IQCF3: variants seen among roughly 807,000 people sequenced by gnomAD.
IQCF3 encodes the protein IQ domain-containing protein F3.
In IQCF3, 7 loss-of-function variants were observed where a neutral mutation model predicts 5.1. That is an observed-to-expected ratio of 1.36 (90% confidence interval 0.78 to 2.56). The LOEUF (loss-of-function observed/expected upper bound fraction) is 2.56, where lower values mean the gene tolerates loss of function less well. IQCF3 is among the 30% of genes most tolerant of loss of function. The pLI is 0.00. For synonymous variants in IQCF3, 82 were observed against 72.8 expected, an observed-to-expected ratio of 1.13 and a Z score of -0.64; for missense variants, 189 against 196.5, an observed-to-expected ratio of 0.96 and a Z score of 0.23.
In IQCF3 at chr3:51,830,348, C is replaced by CAA; in HGVS notation, c.67-54_67-53insAA. On this transcript the variant is annotated intron_variant, in intron 2 of 2. Transcript: ENST00000440739. The surrounding 1 kb of genome is among the most constrained non-coding windows in gnomAD (Gnocchi z 4.1). ...GGAGAGGGCTGATTCTTTAGAGAACCACCTGTGCTTGATGGTGATAAATTC... is the reference window on the plus strand; with the variant it reads ...GGAGAGGGCTGATTCTTTAGAGAACCAAACCTGTGCTTGATGGTGATAAATTC... The CAA allele has an allele frequency of 6.6e-7, 1 of 1,510,874 alleles. No individual in the cohort carries two copies. The highest frequency in any genetic ancestry group is 8.8e-7 in the Non-Finnish European group (1 of 1,131,050). 93.6% of individuals were successfully genotyped at this position (1,510,874 alleles called of 1,614,324 possible).
intron 2 of IQCF3, 25 bp downstream of exon 2, chr3:51,829,737 A>C: frequency 6.2e-7 from 1 of 1,608,210 alleles, no homozygotes. Flanking sequence ...GGAGGGTGAG[A>C]GAATTGCAGA....
chr3:51,828,355 C>G (rs1698317591), upstream of IQCF3: 1 of 152,094 alleles, frequency 6.6e-6, no homozygotes, highest in South Asian at 2.1e-4. Flanking sequence ...CCTTCAGTAC[C>G]TAGTTTATTG....
upstream of IQCF3, chr3:51,828,846 A>G (rs1176067572): frequency 6.6e-6 from 1 of 152,272 alleles, no homozygotes; most frequent in Non-Finnish European, 1.5e-5. Flanking sequence ...AGAGCTCATT[A>G]TTAGTCTGTT....
chr3:51,829,323 C>T (rs1193925431), upstream of IQCF3: 5 of 764,044 alleles, frequency 6.5e-6, no homozygotes, highest in African/African-American at 3.5e-5. Context: ...TCTCTTTATC[C>T]ATCAACTTTG....
At chr3:51,829,056 C>T (rs1279128215), upstream of IQCF3, among the ~76,000 whole-genome samples, 1 of 152,034 alleles carries the variant, frequency 6.6e-6, no homozygotes, top group African/African-American at 2.4e-5. Context: ...GTTAAAACAC[C>T]TTAATGTAAA....
chr3:51,830,630 C>A lies in IQCF3; in HGVS notation c.294C>A (p.Ser98=). 6.2e-7 allele frequency: 1 copy of A among 1,614,036 alleles called. No individual in the cohort carries two copies. The change falls in exon 3 of 3, where the codon TCC becomes TCA. Residue 98 remains serine, a synonymous_variant. Coordinates refer to ENST00000440739, the MANE Select transcript of IQCF3 (RefSeq NM_001393887.1). The surrounding 1 kb of genome is among the most constrained non-coding windows in gnomAD (Gnocchi z 4.1). ...AGCAGGCGACGGTCAAGCTCCAGTCCTGCATCCGCATGTGGCAGTGCCGGC... is the reference window on the plus strand; with the variant it reads ...AGCAGGCGACGGTCAAGCTCCAGTCATGCATCCGCATGTGGCAGTGCCGGC... ...IQEQATVKLQ[S]CIRMWQCRQC...
chr3:51,830,358 T>C lies in IQCF3; in HGVS notation c.67-45T>C. The C allele has an allele frequency of 6.6e-7, 1 of 1,513,590 alleles. No homozygotes were observed. Among genetic ancestry groups the C allele is most frequent in the East Asian group, 2.3e-5 (1 of 43,972 alleles). 93.8% of individuals were successfully genotyped at this position (1,513,590 alleles called of 1,614,324 possible). ...GATTCTTTAGAGAACCACCTGTGCT[T>C]GATGGTGATAAATTCACTGGGAGTC... On this transcript the variant is annotated intron_variant, in intron 2 of 2. Coordinates refer to ENST00000440739, the MANE Select transcript of IQCF3 (RefSeq NM_001393887.1). This position sits in a 1 kb window ranked among gnomAD's most constrained non-coding sequence, Gnocchi z 4.1.
At position 51,830,615 on chromosome 3, in the gene IQCF3, G is replaced by A. The variant is rs373079065; in HGVS notation, c.279G>A (p.Thr93=). Residue 93 remains threonine (T), a synonymous_variant, in exon 3 of 3, where the codon ACG becomes ACA. Coordinates refer to ENST00000440739, the MANE Select transcript of IQCF3 (RefSeq NM_001393887.1). This position sits in a 1 kb window ranked among gnomAD's most constrained non-coding sequence, Gnocchi z 4.1. ...TCTACGTCATCCAGGAGCAGGCGAC[G>A]GTCAAGCTCCAGTCCTGCATCCGCA... The part of the protein sequence containing the change: ...LRVYVIQEQA[T]VKLQSCIRMW... The A allele has an allele frequency of 4.6e-5, 75 of 1,613,940 alleles. 1 individual carries two copies. The highest frequency in any genetic ancestry group is 3.3e-4 in the Middle Eastern group (2 of 6,062).
At chr3:51,827,225 A>G (rs1270071145), upstream of IQCF3, 1 of 152,240 alleles carries the variant, frequency 6.6e-6, no homozygotes, top group East Asian at 1.9e-4. Flanking sequence ...GACAGGATAT[A>G]ATCACAATGA....
At position 51,830,817 on chromosome 3, in the gene IQCF3, G is replaced by C. The variant is rs751425284; in HGVS notation, c.*16G>C. On this transcript the variant is annotated 3_prime_UTR_variant, in exon 3 of 3. Coordinates refer to ENST00000440739, the MANE Select transcript of IQCF3 (RefSeq NM_001393887.1). This position sits in a 1 kb window ranked among gnomAD's most constrained non-coding sequence, Gnocchi z 4.1. ...ATCAATCTGAAAGGCCTGGGGCATG[G>C]AGAACAGGCTGCACTACCCTAATAA... 1.5e-5 allele frequency: 24 copies of C among 1,551,918 alleles called. No individual in the cohort carries two copies. In the South Asian group the frequency reaches 2.5e-4, roughly 16 times the overall value.
chr3:51,829,941 AG>A (rs1698342824), intron 2 of IQCF3: 1 of 564,672 alleles, frequency 1.8e-6, no homozygotes, highest in Non-Finnish European at 3.2e-6. Context: ...GGAAAGGCCC[AG>A]GAGAATGAGG....
intron 1 of IQCF3, 30 bp downstream of exon 1, chr3:51,829,523 G>A (rs1485907840): frequency 1.9e-6 from 3 of 1,596,290 alleles, no homozygotes; most frequent in Admixed American, 1.7e-5. Flanking sequence ...ACTCCCCCAG[G>A]GGTGGGAGTT....
chr3:51,829,925 G>A, intron 2 of IQCF3: 2 of 583,696 alleles, frequency 3.4e-6, no homozygotes, highest in Non-Finnish European at 6.1e-6. Context: ...GCTCAGCACA[G>A]GAAGTGGAAA....
intron 2 of IQCF3, chr3:51,829,913 G>GCTGT: frequency 1.7e-6 from 1 of 598,816 alleles, no homozygotes; most frequent in Non-Finnish European, 3.0e-6. Context: ...CTGATAGGTG[G>GCTGT]GGCTCAGCAC....
At chr3:51,828,717 AAT>A (rs923642498), upstream of IQCF3, 1 of 152,094 alleles carries the variant, frequency 6.6e-6, no homozygotes, top group African/African-American at 2.4e-5. Context: ...AATTTTTTGG[AAT>A]AGTTTCAGTA....
chr3:51,828,695 C>T (rs376742547), upstream of IQCF3: 1 of 152,120 alleles, frequency 6.6e-6, no homozygotes, highest in Non-Finnish European at 1.5e-5. Context: ...TGGGGAGGGG[C>T]CTTTCCTCCT....
upstream of IQCF3, among the ~76,000 whole-genome samples, chr3:51,827,548 T>C (rs1460307593): frequency 1.3e-5 from 2 of 151,990 alleles, no homozygotes; most frequent in African/African-American, 4.8e-5. Context: ...ATAATTTTTA[T>C]AAATGCTAGA....
rs146326208 is a variant in IQCF3, at chr3:51,829,674, C to A, written c.28C>A (p.Pro10Thr). Residue 10 changes from proline (P) to threonine (T), a missense_variant, in exon 2 of 3, where the codon CCA becomes ACA. Pro to Thr is a conservative substitution (Grantham distance 38, BLOSUM62 -1). Transcript: ENST00000440739. Reference protein sequence around the residue: MGSKCCKGGPDEDAVERQRR... With the variant: MGSKCCKGGTDEDAVERQRR... ...CATATTCCGATTGCAGAAAGGTGGT[C>A]CAGATGAAGATGCAGTAGAAAGACA... The A allele has an allele frequency of 1.2e-4, 186 of 1,613,798 alleles. No individual in the cohort carries two copies. The African/African-American group carries it at 2.3e-3, about 20-fold the overall frequency.
At position 51,829,807 on chromosome 3, in the gene IQCF3, C is replaced by G. The variant is rs992619983; in HGVS notation, c.66+95C>G. On this transcript the variant is annotated intron_variant, in intron 2 of 2. Coordinates refer to ENST00000440739, the MANE Select transcript of IQCF3 (RefSeq NM_001393887.1). ...GAGATCCATCTCTGGCTCAGCATTG[C>G]CCTCTTATCCCCTCAAGCCCTCCCT... is the stretch of plus-strand genomic sequence containing the variant. 6 of 1,167,654 alleles carry G rather than the reference C, an allele frequency of 5.1e-6. No homozygotes were observed. In the Admixed American group the frequency reaches 1.2e-4, roughly 23 times the overall value. The allele number at this position is 1,167,654 out of a possible 1,614,324, so 72.3% of individuals were successfully genotyped here. A position where few individuals can be genotyped will look rare whatever the true frequency, so the allele number is the denominator to read the frequency against.
Sources: gnomAD v4.1 joint callset for allele counts (sites outside exome capture counted in the v4.1 genomes callset) on GRCh38, gnomAD v4.1.1 for gene constraint, Gnocchi (gnomAD v3.1) non-coding constraint, MANE v1.5 for transcripts, NCBI Gene and HGNC (gene_info 2026-07-23, HGNC 2026-07-21) for gene names.